The following SMOC1 variants were observed in gnomAD, a reference collection of about 807,000 sequenced individuals.
SMOC1 encodes the protein SPARC-related modular calcium-binding protein 1.
In SMOC1, 22 loss-of-function variants were observed where a neutral mutation model predicts 56.3. The observed-to-expected ratio is 0.39, with a 90% CI of 0.28 to 0.56. The LOEUF (loss-of-function observed/expected upper bound fraction) is 0.56. Ranked by LOEUF, SMOC1 falls within the 20% of genes least tolerant of loss-of-function variation. The probability of loss-of-function intolerance (pLI) is 0.61; values close to 1 mark genes in which losing one functional copy is unlikely to be tolerated. For synonymous variants in SMOC1, 193 were observed against 215.0 expected (o/e 0.90, Z 0.89); for missense variants, 509 against 565.4 (o/e 0.90, Z 1.01).
At chr14:69,989,947 G>C (rs227426) in intron 5 of SMOC1, among the ~76,000 whole-genome samples, 1 of 152,060 alleles carries the variant, frequency 6.6e-6, no homozygotes, top group East Asian at 1.9e-4. Context: ...CATGCTGGAT[G>C]TCACAGGTGA....
At chr14:69,963,196 G>C (rs896224290) in intron 3 of SMOC1, among the ~76,000 whole-genome samples, 1 of 152,082 alleles carries the variant, frequency 6.6e-6, no homozygotes, top group South Asian at 2.1e-4. Context: ...CATGTATGGG[G>C]TTAATGCTGG....
At chr14:70,024,899 G>A (rs1885865668) in intron 11 of SMOC1, among the ~76,000 whole-genome samples, 1 of 152,164 alleles carries the variant, frequency 6.6e-6, no homozygotes, top group Admixed American at 6.5e-5. Context: ...AGCAAGGCAG[G>A]GTCATCCAAT....
chr14:69,888,482 G>A (rs1219657275), intron 1 of SMOC1, among the ~76,000 whole-genome samples: 1 of 152,166 alleles, frequency 6.6e-6, no homozygotes, highest in African/African-American at 2.4e-5. Flanking sequence ...AGGAAAGGTA[G>A]CTCTCATCTC....
chr14:69,997,275 C>A (rs1002848742), intron 7 of SMOC1, among the ~76,000 whole-genome samples: 1 of 152,220 alleles, frequency 6.6e-6, no homozygotes. Context: ...CTCACACATA[C>A]CTTTTCCAAG....
At chr14:69,885,358 A>G in intron 1 of SMOC1, 1 of 1,594,742 alleles carries the variant, frequency 6.3e-7, no homozygotes, top group South Asian at 1.1e-5. Flanking sequence ...GTTTAGTGGC[A>G]AGTTCTTTAG....
intron 3 of SMOC1, among the ~76,000 whole-genome samples, chr14:69,966,021 T>C (rs564949084): frequency 2.6e-5 from 4 of 152,128 alleles, no homozygotes; most frequent in African/African-American, 7.2e-5. Flanking sequence ...ACAGAAAAGT[T>C]TTATTAAAAG....
chr14:69,882,987 A>G (rs1883685321), intron 1 of SMOC1, among the ~76,000 whole-genome samples: 2 of 152,364 alleles, frequency 1.3e-5, no homozygotes, highest in African/African-American at 4.8e-5. Flanking sequence ...GGTCTGAGTC[A>G]GAAATGGATT....
At chr14:70,028,579 C>A (rs1886017597) in intron 11 of SMOC1, among the ~76,000 whole-genome samples, 1 of 152,222 alleles carries the variant, frequency 6.6e-6, no homozygotes, top group Non-Finnish European at 1.5e-5. Context: ...TGAAAAAGAG[C>A]TGGTTACGGC....
intron 1 of SMOC1, among the ~76,000 whole-genome samples, chr14:69,909,275 C>G (rs571315285): frequency 6.6e-6 from 1 of 152,184 alleles, no homozygotes; most frequent in African/African-American, 2.4e-5. Flanking sequence ...CATATTCACT[C>G]TATATGCTTT....
chr14:69,926,172 T>C (rs1179754495), intron 1 of SMOC1, among the ~76,000 whole-genome samples: 2 of 152,142 alleles, frequency 1.3e-5, no homozygotes, highest in Non-Finnish European at 2.9e-5. Context: ...GATGACTTTG[T>C]TTGAAGAACA....
At position 69,914,636 on chromosome 14, in the gene SMOC1, A is replaced by G. The variant is rs368648657; in HGVS notation, c.99+34859A>G. Among the ~76,000 whole-genome samples the G allele has an allele frequency of 5.3e-5, 8 of 152,336 alleles. No individual in the cohort carries two copies. The East Asian group carries it at 7.7e-4, about 15-fold the overall frequency. ...GCTGCCTAGGTCTGGTGAAGTAGCCATTATCATGCGAGAAGATGCCCAGTG... is the reference window on the plus strand; with the variant it reads ...GCTGCCTAGGTCTGGTGAAGTAGCCGTTATCATGCGAGAAGATGCCCAGTG... On this transcript the variant is annotated intron_variant, in intron 1 of 11. Coordinates refer to ENST00000361956, the MANE Select transcript of SMOC1 (RefSeq NM_001034852.3).
intron 1 of SMOC1, among the ~76,000 whole-genome samples, chr14:69,906,904 T>C (rs1884423559): frequency 6.6e-6 from 1 of 151,984 alleles, no homozygotes; most frequent in African/African-American, 2.4e-5. Context: ...ACAGAAACAG[T>C]GGAAATTAGA....
chr14:70,032,245 C>G lies in SMOC1; in HGVS notation c.*1987C>G, dbSNP rs1419250832. 6.6e-6 allele frequency: 1 copy of G among 152,326 alleles called. No individual in the cohort carries two copies. Among genetic ancestry groups the G allele is most frequent in the Non-Finnish European group, 1.5e-5 (1 of 68,066 alleles). 9.4% of individuals were successfully genotyped at this position (152,326 alleles called of 1,614,324 possible). On this transcript the variant is annotated 3_prime_UTR_variant, in exon 12 of 12. Coordinates refer to ENST00000361956, the MANE Select transcript of SMOC1 (RefSeq NM_001034852.3). ...GATGTTTGGATCTTCGAGATCTCCC[C>G]AGGCATCTTGTCTCCCACAGGATCG... is the stretch of plus-strand genomic sequence containing the variant.
intron 7 of SMOC1, among the ~76,000 whole-genome samples, chr14:69,999,515 G>A (rs753915861): frequency 3.9e-5 from 6 of 152,204 alleles, no homozygotes; most frequent in South Asian, 2.1e-4. Flanking sequence ...GTTAGCAGCC[G>A]AGGATGGGTC....
At chr14:70,016,519 A>G (rs1395920301) in intron 10 of SMOC1, among the ~76,000 whole-genome samples, 1 of 152,200 alleles carries the variant, frequency 6.6e-6, no homozygotes. Flanking sequence ...GAAAGGGAGA[A>G]GAAAGAGAGA....
intron 1 of SMOC1, among the ~76,000 whole-genome samples, chr14:69,895,285 A>G (rs1308336077): frequency 6.6e-6 from 1 of 152,234 alleles, no homozygotes; most frequent in Non-Finnish European, 1.5e-5. Flanking sequence ...GGTTTCCGCC[A>G]GTGTCGAAGG....
chr14:69,979,077 A>C (rs1594835367), intron 5 of SMOC1, among the ~76,000 whole-genome samples: 2 of 152,026 alleles, frequency 1.3e-5, no homozygotes, highest in Non-Finnish European at 2.9e-5. Flanking sequence ...CTTGGAAACT[A>C]CATGCTCATC....
chr14:70,011,451 C>T lies in SMOC1; in HGVS notation c.858-34C>T, dbSNP rs373301693. On this transcript the variant is annotated intron_variant, in intron 8 of 11. Coordinates refer to ENST00000361956, the MANE Select transcript of SMOC1 (RefSeq NM_001034852.3). ...ACTGAAGTAGGCTCAGTTGCCAGCC[C>T]CTCCCAACCCCCCCCATATCTCTCT... 12 of 1,395,858 alleles carry T rather than the reference C, an allele frequency of 8.6e-6. 1 individual carries two copies. The African/African-American group carries it at 1.5e-4, about 17-fold the overall frequency. The allele number at this position is 1,395,858 out of a possible 1,614,324, so 86.5% of individuals were successfully genotyped here.
At chr14:70,028,813 T>A (rs997259589) in intron 11 of SMOC1, among the ~76,000 whole-genome samples, 1 of 152,176 alleles carries the variant, frequency 6.6e-6, no homozygotes, top group South Asian at 2.1e-4. Flanking sequence ...TCTGTAAAAT[T>A]GGATAAACCG....
Sources: allele counts gnomAD v4.1 joint callset (sites outside exome capture counted in the v4.1 genomes callset), GRCh38; gene constraint gnomAD v4.1.1; transcripts MANE v1.5; gene names NCBI Gene and HGNC (gene_info 2026-07-23, HGNC 2026-07-21).